PRKG1: variants seen among roughly 807,000 people sequenced by gnomAD.
PRKG1 encodes protein kinase cGMP-dependent 1, also known as cGMP-dependent protein kinase 1.
Under a neutral mutation model 88.1 loss-of-function variants are expected in PRKG1, and 35 were observed. The ratio of observed to expected loss-of-function variants is 0.40; its 90% CI spans 0.30 to 0.53. The LOEUF is 0.53. Ranked by LOEUF, PRKG1 falls within the 20% of genes least tolerant of loss-of-function variation. The pLI is 0.59. For missense variants in PRKG1, 540 were observed against 839.8 expected, an observed-to-expected ratio of 0.64 and a Z score of 4.41; for synonymous variants, 303 against 292.5, an observed-to-expected ratio of 1.04 and a Z score of -0.37.
intron 9 of PRKG1, among the ~76,000 whole-genome samples, chr10:52,199,111 C>T (rs947753520): frequency 6.6e-5 from 10 of 151,426 alleles, no homozygotes; most frequent in African/African-American, 2.4e-4. Context: ...TTTCCCGATT[C>T]TGTTTCAATG....
At chr10:51,568,066 T>C (rs1415492486) in intron 3 of PRKG1, among the ~76,000 whole-genome samples, 2 of 151,918 alleles carry the variant, frequency 1.3e-5, no homozygotes, top group Admixed American at 6.6e-5. Context: ...AAAGAGAATG[T>C]GTAATTTAAA....
chr10:51,622,045 A>T (rs532895970), intron 3 of PRKG1, among the ~76,000 whole-genome samples: 1 of 152,294 alleles, frequency 6.6e-6, no homozygotes, highest in South Asian at 2.1e-4. Context: ...CTTATTTTCC[A>T]ACTATTTGAT....
chr10:51,718,322 G>T (rs1173397499), intron 3 of PRKG1, among the ~76,000 whole-genome samples: 1 of 152,128 alleles, frequency 6.6e-6, no homozygotes, highest in African/African-American at 2.4e-5. Flanking sequence ...TCCAGAGGTG[G>T]GAACAGGGGA....
Position 51,034,668 on chromosome 10 carries a change from T to TTTTTTATATATA in PRKG1, c.266+43025_266+43026insTTTTATATATAT, listed in dbSNP as rs9299454. Among the ~76,000 whole-genome samples the TTTTTTATATATA allele has an allele frequency of 3.1e-4, 21 of 68,184 alleles. 1 individual carries two copies. Among genetic ancestry groups the TTTTTTATATATA allele is most frequent in the Middle Eastern group, 0.014 (1 of 72 alleles). 44.7% of individuals were successfully genotyped at this position (68,184 alleles called of 152,430 possible). A position where few individuals can be genotyped will look rare whatever the true frequency, so the allele number is the denominator to read the frequency against. ...AGCAAAATTATATATAATATGTTAT[T>TTTTTTATATATA]TATATATATATATATATATATATAT... is the stretch of plus-strand genomic sequence containing the variant. On this transcript the variant is annotated intron_variant, in intron 1 of 17. Transcript: ENST00000401604.
intron 2 of PRKG1, among the ~76,000 whole-genome samples, chr10:51,346,170 C>T (rs889777012): frequency 5.9e-5 from 9 of 152,022 alleles, no homozygotes; most frequent in Admixed American, 3.3e-4. Context: ...CCAAAAAAGT[C>T]GTTGATGATC....
At chr10:51,334,178 CTCTCTCTCT>C (rs1564450669) in intron 2 of PRKG1, among the ~76,000 whole-genome samples, 5 of 151,374 alleles carry the variant, frequency 3.3e-5, no homozygotes, top group Admixed American at 2.0e-4. Flanking sequence ...CTCTCTCTCT[CTCTCTCTCT>C]CTCTCACTCA....
chr10:51,648,407 A>G (rs1233352408), intron 3 of PRKG1, among the ~76,000 whole-genome samples: 1 of 152,174 alleles, frequency 6.6e-6, no homozygotes, highest in African/African-American at 2.4e-5. Context: ...TATTGCCTGC[A>G]CTGGTTGAAA....
At chr10:51,792,069 A>G (rs1838882929) in intron 3 of PRKG1, among the ~76,000 whole-genome samples, 1 of 152,144 alleles carries the variant, frequency 6.6e-6, no homozygotes, top group Admixed American at 6.6e-5. Context: ...TGATGGGATT[A>G]GCATAGTGCT....
rs758933282 is a variant in PRKG1, at chr10:51,335,539, AT to A, written c.479-132174del. Among the ~76,000 whole-genome samples, 51 of 148,978 alleles carry A rather than the reference AT, an allele frequency of 3.4e-4. 1 individual carries two copies. Among genetic ancestry groups the A allele is most frequent in the African/African-American group, 5.1e-4 (21 of 40,818 alleles). ...ACTTTTAAATTCATTTATGCTACAT[AT>A]TTTTTTTTTGAGATAAAGTCTTGCT... On this transcript the variant is annotated intron_variant, in intron 2 of 17. Transcript: ENST00000373980.
intron 2 of PRKG1, among the ~76,000 whole-genome samples, chr10:51,267,955 C>G (rs764266616): frequency 6.6e-6 from 1 of 152,212 alleles, no homozygotes; most frequent in Non-Finnish European, 1.5e-5. Context: ...CAAAATTCAC[C>G]CCCAATATTT....
chr10:51,102,879 G>C (rs1844719997), intron 1 of PRKG1, among the ~76,000 whole-genome samples: 1 of 152,032 alleles, frequency 6.6e-6, no homozygotes, highest in Admixed American at 6.6e-5. Context: ...CTACTTGGAG[G>C]AGACAAAGTA....
At chr10:51,492,352 T>C (rs55708486) in intron 3 of PRKG1, among the ~76,000 whole-genome samples, 2,635 of 152,264 alleles carry the variant, frequency 0.017, 54 homozygotes, top group African/African-American at 0.044. Flanking sequence ...CTTATTAATA[T>C]ACAACCAAAT....
chr10:51,451,458 A>G (rs559758383), intron 2 of PRKG1, among the ~76,000 whole-genome samples: 34 of 152,066 alleles, frequency 2.2e-4, no homozygotes, highest in African/African-American at 7.5e-4. Context: ...GAGCTAGACC[A>G]TGAGGTTTGA....
At chr10:51,510,909 ATT>A (rs113951308) in intron 3 of PRKG1, among the ~76,000 whole-genome samples, 4 of 135,372 alleles carry the variant, frequency 3.0e-5, no homozygotes, top group Non-Finnish European at 3.2e-5. Context: ...ACACCAGCTT[ATT>A]TTTTTTTTTT....
rs999506289 is a variant in PRKG1 at position 51,363,659 on chromosome 10, A to G, written c.479-104064A>G. 5.9e-5 allele frequency among the ~76,000 whole-genome samples: 9 copies of G among 152,018 alleles called. No individual in the cohort carries two copies. In the East Asian group the frequency reaches 1.8e-3, roughly 30 times the overall value. Reference sequence around the variant, plus strand: ...CATTAGAGACACGTATTGTTGTCCTACTGCTAGACAGCTTAAGGTGATGGT... The same window carrying G: ...CATTAGAGACACGTATTGTTGTCCTGCTGCTAGACAGCTTAAGGTGATGGT... On this transcript the variant is annotated intron_variant, in intron 2 of 17. Coordinates refer to ENST00000373980, the MANE Select transcript of PRKG1 (RefSeq NM_006258.4).
intron 4 of PRKG1, among the ~76,000 whole-genome samples, chr10:51,816,536 C>CGTGTGT (rs769022267): frequency 0.12 from 11,899 of 98,334 alleles, 599 homozygotes; most frequent in African/African-American, 0.15. Flanking sequence ...ATAATTTTGG[C>CGTGTGT]ATGTGTGTGT....
At chr10:51,643,335 T>C (rs1005816277) in intron 3 of PRKG1, among the ~76,000 whole-genome samples, 3 of 152,234 alleles carry the variant, frequency 2.0e-5, no homozygotes, top group African/African-American at 4.8e-5. Flanking sequence ...TTAGTCACAA[T>C]GTAGAAAACT....
At chr10:51,135,908 T>C (rs1225439158) in intron 1 of PRKG1, among the ~76,000 whole-genome samples, 2 of 140,414 alleles carry the variant, frequency 1.4e-5, no homozygotes, top group Non-Finnish European at 3.0e-5. Context: ...ACTCAAGAAA[T>C]ATTTAGGAGG....
chr10:51,270,058 C>T (rs1839938476), intron 2 of PRKG1, among the ~76,000 whole-genome samples: 1 of 152,156 alleles, frequency 6.6e-6, no homozygotes, highest in Admixed American at 6.6e-5. Context: ...TAACTACATA[C>T]TCAGGCTGAG....
Sources: gnomAD v4.1 joint callset for allele counts (sites outside exome capture counted in the v4.1 genomes callset) on GRCh38, gnomAD v4.1.1 for gene constraint, MANE v1.5 for transcripts, NCBI Gene and HGNC (gene_info 2026-07-23, HGNC 2026-07-21) for gene names.